The following KIR2DL3 variants were observed in gnomAD, a reference collection of about 807,000 sequenced individuals.
KIR2DL3 encodes killer cell immunoglobulin like receptor, two Ig domains and long cytoplasmic tail 3.
In KIR2DL3, 39 loss-of-function variants were observed where a neutral mutation model predicts 33.8. The ratio of observed to expected loss-of-function variants is 1.15; its 90% CI spans 0.89 to 1.51. The LOEUF is 1.51. KIR2DL3 is among the 40% of genes most tolerant of loss of function. The pLI is 0.00. For missense variants in KIR2DL3, 462 were observed against 426.2 expected (o/e 1.08, Z -0.74); for synonymous variants, 174 against 160.2 (o/e 1.09, Z -0.65).
At chr19:54,742,786 C>T in intron 3 of KIR2DL3, among the ~76,000 whole-genome samples, 1 of 151,222 alleles carries the variant, frequency 6.6e-6, no homozygotes, top group East Asian at 1.9e-4. Flanking sequence ...CCCAGAACAC[C>T]AACCCCTGTA....
chr19:54,750,852 T>A lies in KIR2DL3; in HGVS notation c.716-797T>A, dbSNP rs1278919515. On this transcript the variant is annotated intron_variant, in intron 5 of 7. Transcript: ENST00000342376. ...ACATATGGAGTCACCCCATTTGCAG[T>A]GTAGCTGGGGGAAGCCAGAGAGCAG... 1.5e-5 allele frequency among the ~76,000 whole-genome samples: 2 copies of A among 133,314 alleles called. 1 individual carries two copies. The highest frequency in any genetic ancestry group is 3.3e-5 in the Non-Finnish European group (2 of 60,774). 87.5% of individuals were successfully genotyped at this position (133,314 alleles called of 152,430 possible). A position where few individuals can be genotyped will look rare whatever the true frequency, so the allele number is the denominator to read the frequency against.
Position 54,742,253 on chromosome 19 carries a change from G to A in KIR2DL3, c.344G>A (p.Ser115Asn), listed in dbSNP as rs1395561727. 6.2e-7 allele frequency: 1 copy of A among 1,614,082 alleles called. No individual in the cohort carries two copies. The highest frequency in any genetic ancestry group is 8.5e-7 in the Non-Finnish European group (1 of 1,180,038). Residue 115 changes from serine (S) to asparagine (N), a missense_variant, in exon 3 of 8, where the codon AGT (serine) becomes AAT (asparagine). By Grantham distance (46) the Ser-to-Asn change is conservative. Coordinates refer to ENST00000342376, the MANE Select transcript of KIR2DL3 (RefSeq NM_015868.3). Reference sequence around the variant, plus strand: ...TCCCCCTATCAGTTGTCAGCTCCCAGTGACCCTCTGGACATCGTCATCACA... The same window carrying A: ...TCCCCCTATCAGTTGTCAGCTCCCAATGACCCTCTGGACATCGTCATCACA... ...THSPYQLSAP[S>N]DPLDIVITGL...
Position 54,743,797 on chromosome 19 carries a change from C to G in KIR2DL3, c.373C>G (p.Leu125Val), listed in dbSNP as rs759528634. ...GGAAAATGCCTCTTCTCCTCCAGGT[C>G]TATATGAGAAACCTTCTCTCTCAGC... ...SDPLDIVITG[L>V]YEKPSLSAQP... Residue 125 changes from leucine (L) to valine (V), a missense_variant and splice_region_variant, in exon 4 of 8, where the codon CTA becomes GTA. Coordinates refer to ENST00000342376, the MANE Select transcript of KIR2DL3 (RefSeq NM_015868.3). 2.5e-6 allele frequency: 4 copies of G among 1,597,232 alleles called. No homozygotes were observed. The highest frequency in any genetic ancestry group is 1.7e-6 in the Non-Finnish European group (2 of 1,171,888).
chr19:54,740,329 G>A (rs1849830935), intron 2 of KIR2DL3, among the ~76,000 whole-genome samples: 1 of 151,992 alleles, frequency 6.6e-6, no homozygotes, highest in African/African-American at 2.4e-5. Context: ...TCTAGGACAT[G>A]TCATTCTTCG....
chr19:54,744,626 A>C (rs1298910780), intron 4 of KIR2DL3, among the ~76,000 whole-genome samples: 5 of 150,598 alleles, frequency 3.3e-5, no homozygotes, highest in African/African-American at 1.2e-4. Context: ...TCCTGGGTTC[A>C]AGTGATTCTC....
At chr19:54,749,075 GC>G (rs1444709230) in intron 5 of KIR2DL3, among the ~76,000 whole-genome samples, 2 of 152,120 alleles carry the variant, frequency 1.3e-5, no homozygotes, top group African/African-American at 4.8e-5. Flanking sequence ...ACAGCTGTCA[GC>G]CGTGAAGGCA....
Position 54,742,647 on chromosome 19 carries a change from A to G in KIR2DL3, c.370+368A>G, listed in dbSNP as rs1389015139. ...AAAGTGTTCTCTACCAGGAGAACCCAAGGACACCCATATTTATGACCTGAG... is the reference window on the plus strand; with the variant it reads ...AAAGTGTTCTCTACCAGGAGAACCCGAGGACACCCATATTTATGACCTGAG... On this transcript the variant is annotated intron_variant, in intron 3 of 7. Transcript: ENST00000342376. Among the ~76,000 whole-genome samples the G allele has an allele frequency of 6.6e-5, 10 of 151,408 alleles. No individual in the cohort carries two copies. In the East Asian group the frequency reaches 1.2e-3, roughly 18 times the overall value.
Position 54,748,274 on chromosome 19 carries a change from C to T in KIR2DL3, c.715+889C>T, listed in dbSNP as rs2072875984. On this transcript the variant is annotated intron_variant, in intron 5 of 7. Transcript: ENST00000342376. ...CTTATCTTTTGAAAACTTGGGGATTCTATTGGGTTCACCAAGATGAAAATC... is the reference window on the plus strand; with the variant it reads ...CTTATCTTTTGAAAACTTGGGGATTTTATTGGGTTCACCAAGATGAAAATC... Among the ~76,000 whole-genome samples, 8 of 151,884 alleles carry T rather than the reference C, an allele frequency of 5.3e-5. No individual in the cohort carries two copies. In the South Asian group the frequency reaches 1.7e-3, roughly 32 times the overall value.
At chr19:54,738,655 G>C (rs1239465985) in intron 1 of KIR2DL3, 76 bp downstream of exon 1, 30 of 1,607,668 alleles carry the variant, frequency 1.9e-5, no homozygotes, top group Non-Finnish European at 2.5e-5. Context: ...TATAGGCCTG[G>C]AAGTGGAGTT....
intron 3 of KIR2DL3, among the ~76,000 whole-genome samples, chr19:54,743,354 T>C (rs1329114722): frequency 2.0e-5 from 3 of 151,902 alleles, no homozygotes; most frequent in African/African-American, 7.3e-5. Context: ...GATTGATGGA[T>C]AGATAGACAA....
chr19:54,752,907 T>C lies in KIR2DL3; in HGVS notation c.*388T>C, dbSNP rs113313607. On this transcript the variant is annotated 3_prime_UTR_variant, in exon 8 of 8. Transcript: ENST00000342376. Reference sequence around the variant, plus strand: ...AGAGGCTCCCTCTTAACACGGCACTTAGACACGTGCTGTTCCACCTTCCCT... The same window carrying C: ...AGAGGCTCCCTCTTAACACGGCACTCAGACACGTGCTGTTCCACCTTCCCT... The C allele has an allele frequency of 3.0e-6, 1 of 338,400 alleles. No individual in the cohort carries two copies. Among genetic ancestry groups the C allele is most frequent in the South Asian group, 3.5e-5 (1 of 28,512 alleles). The allele number at this position is 338,400 out of a possible 1,614,324, so 21.0% of individuals were successfully genotyped here.
rs1256408242 is a variant in KIR2DL3 at position 54,742,024 on chromosome 19, G to C, written c.115G>C (p.Val39Leu). ...CCTCCTGGCCCACCCAGGTCCCCTG[G>C]TGAAATCAGAAGAGACAGTCATCCT... ...PSLLAHPGPL[V>L]KSEETVILQC... The change falls in exon 3 of 8, where the codon GTG (valine) becomes CTG (leucine). Residue 39 changes from valine to leucine, a missense_variant. Val to Leu is a conservative substitution (Grantham distance 32, BLOSUM62 1). Coordinates refer to ENST00000342376, the MANE Select transcript of KIR2DL3 (RefSeq NM_015868.3). 6.2e-6 allele frequency: 10 copies of C among 1,612,204 alleles called. No individual in the cohort carries two copies. Among genetic ancestry groups the C allele is most frequent in the Non-Finnish European group, 7.6e-6 (9 of 1,179,048 alleles).
Position 54,752,029 on chromosome 19 carries a change from G to A in KIR2DL3, c.821-187G>A, listed in dbSNP as rs982164084. ...CAGAAAGTGGGAGACAGAATCAATG[G>A]GATGGGAACTCAGAGCTATTCATGG... On this transcript the variant is annotated intron_variant, in intron 6 of 7. Transcript: ENST00000342376. Among the ~76,000 whole-genome samples the A allele has an allele frequency of 1.2e-4, 16 of 135,634 alleles. 2 individuals carry two copies. Among genetic ancestry groups the A allele is most frequent in the African/African-American group, 4.4e-4 (16 of 36,326 alleles). 89.0% of individuals were successfully genotyped at this position (135,634 alleles called of 152,430 possible).
At chr19:54,740,338 C>T (rs1448809473) in intron 2 of KIR2DL3, among the ~76,000 whole-genome samples, 5 of 151,988 alleles carry the variant, frequency 3.3e-5, no homozygotes, top group African/African-American at 1.2e-4. Flanking sequence ...TGTCATTCTT[C>T]GGTGTCACTC....
chr19:54,740,199 T>C (rs2070758967), intron 2 of KIR2DL3, among the ~76,000 whole-genome samples: 1 of 151,958 alleles, frequency 6.6e-6, no homozygotes, highest in Non-Finnish European at 1.5e-5. Context: ...GCGAGGAGAA[T>C]CTTCTGAGCA....
At chr19:54,750,964 C>T in intron 5 of KIR2DL3, among the ~76,000 whole-genome samples, 1 of 134,044 alleles carries the variant, frequency 7.5e-6, no homozygotes, top group East Asian at 2.0e-4. Flanking sequence ...AACAGGAAGA[C>T]AGCCCAGGCT....
intron 1 of KIR2DL3, among the ~76,000 whole-genome samples, 169 bp from the exon 2 acceptor site, chr19:54,739,338 G>C (rs2070520232): frequency 6.6e-6 from 1 of 152,116 alleles, no homozygotes; most frequent in Non-Finnish European, 1.5e-5. Flanking sequence ...CTGGAAACTG[G>C]GTCTCTGCAC....
At chr19:54,744,892 A>ATATGTATG (rs1555906337) in intron 4 of KIR2DL3, among the ~76,000 whole-genome samples, 14 of 71,324 alleles carry the variant, frequency 2.0e-4, no homozygotes, top group East Asian at 5.5e-4. Context: ...ATATATATAT[A>ATATGTATG]TATATACACA....
intron 2 of KIR2DL3, among the ~76,000 whole-genome samples, chr19:54,741,093 T>C (rs1672470344): frequency 6.6e-6 from 1 of 151,434 alleles, no homozygotes; most frequent in Non-Finnish European, 1.5e-5. Flanking sequence ...GTCAGTGTGG[T>C]CTCTCCTGCT....
Sources: allele counts gnomAD v4.1 joint callset (sites outside exome capture counted in the v4.1 genomes callset), GRCh38; gene constraint gnomAD v4.1.1; transcripts MANE v1.5; gene names NCBI Gene and HGNC (gene_info 2026-07-23, HGNC 2026-07-21).